Variants in GOLPH3L observed in about 807,000 individuals in gnomAD.
GOLPH3L encodes Golgi phosphoprotein 3-like.
In GOLPH3L, 22 loss-of-function variants were observed where a neutral mutation model predicts 30.3. The ratio of observed to expected loss-of-function variants is 0.73; its 90% CI spans 0.52 to 1.04. The LOEUF is 1.04. Ranked by LOEUF, GOLPH3L falls within the 50% of genes least tolerant of loss-of-function variation. The pLI, the probability that GOLPH3L is intolerant of heterozygous loss-of-function variation, is 0.00. For synonymous variants in GOLPH3L, 120 were observed against 128.2 expected (o/e 0.94, Z 0.43); for missense variants, 303 against 345.8 (o/e 0.88, Z 0.98).
intron 4 of GOLPH3L, among the ~76,000 whole-genome samples, chr1:150,654,748 G>A (rs771279148): frequency 1.9e-4 from 29 of 152,282 alleles, no homozygotes; most frequent in Admixed American, 3.3e-4. Context: ...TCTGTCCCCC[G>A]CCATAGCAGG....
At chr1:150,677,748 C>T (rs1008936545) in intron 2 of GOLPH3L, among the ~76,000 whole-genome samples, 5 of 151,598 alleles carry the variant, frequency 3.3e-5, no homozygotes, top group East Asian at 2.0e-4. Flanking sequence ...ACCTCAGCCT[C>T]CTAAGTGGAT....
At position 150,691,441 on chromosome 1, in the gene GOLPH3L, G is replaced by A. The variant is rs587641838; in HGVS notation, c.183+3215C>T. ...TGAGACAGGAGAATTGCTTGAACTC[G>A]GGAGGCGCAGGTTGCAGTGAGCCAA... On this transcript the variant is annotated intron_variant, in intron 2 of 4. Coordinates refer to ENST00000271732, the MANE Select transcript of GOLPH3L (RefSeq NM_018178.6). Among the ~76,000 whole-genome samples, 8 of 152,144 alleles carry A rather than the reference G, an allele frequency of 5.3e-5. No homozygotes were observed. The East Asian group carries it at 9.6e-4, about 18-fold the overall frequency.
intron 2 of GOLPH3L, among the ~76,000 whole-genome samples, chr1:150,678,780 C>T (rs1303261601): frequency 6.6e-6 from 1 of 152,040 alleles, no homozygotes; most frequent in Non-Finnish European, 1.5e-5. Flanking sequence ...CATGGTGAAA[C>T]CCCATCTCTA....
intron 1 of GOLPH3L, among the ~76,000 whole-genome samples, chr1:150,695,710 G>C (rs1331789399): frequency 6.6e-6 from 1 of 152,024 alleles, no homozygotes; most frequent in African/African-American, 2.4e-5. Flanking sequence ...ATACCCTAAT[G>C]ACTCATTTCA....
At position 150,648,346 on chromosome 1, in the gene GOLPH3L, A is replaced by C; in HGVS notation, c.833T>G (p.Val278Gly). 1 of 1,610,066 alleles carries C rather than the reference A, an allele frequency of 6.2e-7. No individual in the cohort carries two copies. The highest frequency in any genetic ancestry group is 1.1e-5 in the South Asian group (1 of 90,686). Residue 278 changes from valine to glycine, a missense_variant, in exon 5 of 5, where the codon GTG becomes GGG. By Grantham distance (109) the Val-to-Gly change is moderately radical. Coordinates refer to ENST00000271732, the MANE Select transcript of GOLPH3L (RefSeq NM_018178.6). ...TTAAGATTTATTGAAGGCTGCCAGC[A>C]CAGCCCAGATCATTTCTGTGGCACT... Reference protein sequence around the residue: ...KPSATEMIWAVLAAFNKS With the variant: ...KPSATEMIWAGLAAFNKS
chr1:150,671,503 T>C (rs1181430670), intron 2 of GOLPH3L, among the ~76,000 whole-genome samples: 1 of 151,674 alleles, frequency 6.6e-6, no homozygotes, highest in Non-Finnish European at 1.5e-5. Flanking sequence ...GTTGCCTGCT[T>C]GGCAAAAAAA....
chr1:150,669,554 A>T (rs1447506903), intron 2 of GOLPH3L, among the ~76,000 whole-genome samples: 1 of 152,224 alleles, frequency 6.6e-6, no homozygotes, highest in Non-Finnish European at 1.5e-5. Context: ...ACCAAAGGCT[A>T]TCTAAAGAAA....
intron 4 of GOLPH3L, among the ~76,000 whole-genome samples, chr1:150,651,388 G>A (rs190619284): frequency 3.6e-4 from 54 of 152,112 alleles, no homozygotes; most frequent in African/African-American, 1.1e-3. Flanking sequence ...GGTGGCTCAC[G>A]TCTGTAATCC....
rs1478269360 is a variant in GOLPH3L, at chr1:150,647,358, G to A, written c.*963C>T. 1 of 152,324 alleles carries A rather than the reference G, an allele frequency of 6.6e-6. No individual in the cohort carries two copies. The highest frequency in any genetic ancestry group is 1.5e-5 in the Non-Finnish European group (1 of 68,074). 9.4% of individuals were successfully genotyped at this position (152,324 alleles called of 1,614,324 possible). On this transcript the variant is annotated 3_prime_UTR_variant, in exon 5 of 5. Coordinates refer to ENST00000271732, the MANE Select transcript of GOLPH3L (RefSeq NM_018178.6). Reference sequence around the variant, plus strand: ...AACAAACAAAAAAAAGCTGAGTATGGTGGCACGTGCCTGTAGTCCCACTTA... The same window carrying A: ...AACAAACAAAAAAAAGCTGAGTATGATGGCACGTGCCTGTAGTCCCACTTA...
At chr1:150,689,934 T>G (rs1158137295) in intron 2 of GOLPH3L, among the ~76,000 whole-genome samples, 1 of 151,996 alleles carries the variant, frequency 6.6e-6, no homozygotes, top group Non-Finnish European at 1.5e-5. Flanking sequence ...CCACTGCGTC[T>G]GGCCAGATGC....
At chr1:150,670,670 A>G (rs1362944966) in intron 2 of GOLPH3L, among the ~76,000 whole-genome samples, 2 of 152,200 alleles carry the variant, frequency 1.3e-5, no homozygotes, top group Non-Finnish European at 2.9e-5. Flanking sequence ...TATCCCCTCT[A>G]GAGGATCACT....
At chr1:150,696,155 T>G (rs1571061333) in intron 1 of GOLPH3L, among the ~76,000 whole-genome samples, 1 of 152,306 alleles carries the variant, frequency 6.6e-6, no homozygotes, top group African/African-American at 2.4e-5. Context: ...TAGCAATATT[T>G]CCCATTGCTC....
chr1:150,682,667 ATC>A (rs1301042451), intron 2 of GOLPH3L, among the ~76,000 whole-genome samples: 2 of 148,730 alleles, frequency 1.3e-5, no homozygotes, highest in Non-Finnish European at 3.0e-5. Context: ...TCTCATGTAG[ATC>A]TCTGTCTGAA....
intron 4 of GOLPH3L, among the ~76,000 whole-genome samples, chr1:150,656,591 T>C (rs1650246363): frequency 6.6e-6 from 1 of 152,198 alleles, no homozygotes; most frequent in African/African-American, 2.4e-5. Context: ...GGTGTTATTG[T>C]CCAAGAGCAG....
chr1:150,655,306 T>C (rs1002654189), intron 4 of GOLPH3L, among the ~76,000 whole-genome samples: 3 of 152,180 alleles, frequency 2.0e-5, no homozygotes, highest in East Asian at 1.9e-4. Flanking sequence ...AGTAGTTACA[T>C]TTTCCATTGT....
At chr1:150,665,692 TATCATC>T (rs921118878) in intron 2 of GOLPH3L, among the ~76,000 whole-genome samples, 2 of 152,110 alleles carry the variant, frequency 1.3e-5, no homozygotes, top group Non-Finnish European at 2.9e-5. Context: ...ATAAATTAGA[TATCATC>T]ATCATCATTA....
chr1:150,671,598 G>C (rs975401417), intron 2 of GOLPH3L, among the ~76,000 whole-genome samples: 1 of 151,890 alleles, frequency 6.6e-6, no homozygotes, highest in Non-Finnish European at 1.5e-5. Context: ...CCTAAGGTCA[G>C]AGTTTGAGAC....
At chr1:150,656,721 G>A (rs1650248770) in intron 4 of GOLPH3L, among the ~76,000 whole-genome samples, 3 of 152,298 alleles carry the variant, frequency 2.0e-5, no homozygotes, top group African/African-American at 7.2e-5. Context: ...TATAGGATAT[G>A]ATCCTGAAAA....
intron 2 of GOLPH3L, among the ~76,000 whole-genome samples, chr1:150,682,623 CAAAAAAAAAAAAA>C (rs145118551): frequency 4.0e-5 from 2 of 50,298 alleles, no homozygotes; most frequent in African/African-American, 7.9e-5. Flanking sequence ...GACTCTTTCT[CAAAAAAAAAAAAA>C]AAAAAAAAAA....
Sources: gnomAD v4.1 joint callset for allele counts (sites outside exome capture counted in the v4.1 genomes callset) on GRCh38, gnomAD v4.1.1 for gene constraint, MANE v1.5 for transcripts, NCBI Gene and HGNC (gene_info 2026-07-23, HGNC 2026-07-21) for gene names.